WWOX: variants seen among roughly 807,000 people sequenced by gnomAD.
WWOX encodes the protein WW domain-containing oxidoreductase.
Under a neutral mutation model 46.2 loss-of-function variants are expected in WWOX, and 69 were observed. That is an observed-to-expected ratio of 1.49 (90% CI 1.23 to 1.82). The LOEUF (loss-of-function observed/expected upper bound fraction) is 1.82, where lower values mean the gene tolerates loss of function less well. Among genes scored for constraint, WWOX ranks in the 40% most tolerant of loss-of-function variants. WWOX has a pLI of 0.00. For synonymous variants in WWOX, 359 were observed against 202.6 expected (o/e 1.77, Z -6.56); for missense variants, 919 against 542.6 (o/e 1.69, Z -6.89).
Position 78,278,560 on chromosome 16 carries a change from A to C in WWOX, c.517-108300A>C, listed in dbSNP as rs577104572. The C allele has an allele frequency of 1.3e-5, 20 of 1,576,122 alleles. No homozygotes were observed. In the African/African-American group the frequency reaches 1.9e-4, roughly 15 times the overall value. ...CAAGAAACAGTTCTATGTTGTTCTC[A>C]TAACTTAATTTTACACAACTGTCTT... On this transcript the variant is annotated intron_variant, in intron 5 of 8. Coordinates refer to ENST00000566780, the MANE Select transcript of WWOX (RefSeq NM_016373.4).
chr16:78,691,982 G>A (rs1028084992), intron 8 of WWOX, among the ~76,000 whole-genome samples: 2 of 152,238 alleles, frequency 1.3e-5, no homozygotes, highest in South Asian at 2.1e-4. Context: ...AGGAGTTTCC[G>A]CTTTTGCTTC....
chr16:78,820,301 G>C (rs377148806), intron 8 of WWOX, among the ~76,000 whole-genome samples: 1 of 152,218 alleles, frequency 6.6e-6, no homozygotes, highest in East Asian at 1.9e-4. Context: ...GTGACCCAAA[G>C]TTTTGGCTAC....
intron 8 of WWOX, among the ~76,000 whole-genome samples, chr16:78,865,491 C>G (rs74603887): frequency 0.021 from 3,226 of 152,270 alleles, 109 homozygotes; most frequent in African/African-American, 0.069. Context: ...CCCTGAACCT[C>G]AGTTTCCTTT....
chr16:78,897,471 T>C (rs1306169999), intron 8 of WWOX: 1 of 152,084 alleles, frequency 6.6e-6, no homozygotes, highest in Non-Finnish European at 1.5e-5. Flanking sequence ...CATAATGTTT[T>C]TGTGATTCAT....
At chr16:78,745,293 C>G (rs554428980) in intron 8 of WWOX, among the ~76,000 whole-genome samples, 3 of 152,200 alleles carry the variant, frequency 2.0e-5, no homozygotes, top group Admixed American at 6.5e-5. Flanking sequence ...AGCTGGGCAT[C>G]TTCCCCGCCT....
intron 8 of WWOX, among the ~76,000 whole-genome samples, chr16:78,458,798 T>C (rs1476549503): frequency 2.0e-5 from 3 of 152,062 alleles, no homozygotes; most frequent in Non-Finnish European, 4.4e-5. Context: ...GGCGCCACTT[T>C]TTATCTGTGT....
intron 8 of WWOX, among the ~76,000 whole-genome samples, chr16:79,188,323 A>G (rs2051060480): frequency 6.6e-6 from 1 of 152,242 alleles, no homozygotes; most frequent in African/African-American, 2.4e-5. Context: ...GGTTTTAGAC[A>G]CAGCTTTGAG....
At chr16:79,181,673 A>C (rs1036242075) in intron 8 of WWOX, among the ~76,000 whole-genome samples, 1 of 152,134 alleles carries the variant, frequency 6.6e-6, no homozygotes, top group East Asian at 1.9e-4. Flanking sequence ...TTGATAAATA[A>C]TGCTGAGATG....
At chr16:78,357,713 T>G (rs537063399) in intron 5 of WWOX, among the ~76,000 whole-genome samples, 3 of 152,190 alleles carry the variant, frequency 2.0e-5, no homozygotes, top group East Asian at 3.9e-4. Context: ...CACTTCCACA[T>G]GCCAGGCACA....
intron 8 of WWOX, among the ~76,000 whole-genome samples, chr16:78,554,195 TG>T (rs2044235999): frequency 6.6e-6 from 1 of 151,958 alleles, no homozygotes; most frequent in Non-Finnish European, 1.5e-5. Context: ...AGAGCAGGGA[TG>T]GGGAGGACTT....
chr16:78,645,424 C>T (rs960614338), intron 8 of WWOX, among the ~76,000 whole-genome samples: 1 of 152,038 alleles, frequency 6.6e-6, no homozygotes, highest in Non-Finnish European at 1.5e-5. Flanking sequence ...TTTTGTGTTG[C>T]TATAAAGGAA....
chr16:78,717,235 A>G (rs577850113), intron 8 of WWOX, among the ~76,000 whole-genome samples: 2 of 152,308 alleles, frequency 1.3e-5, no homozygotes, highest in East Asian at 3.9e-4. Flanking sequence ...AAATCAATTC[A>G]TTAAGCATTG....
intron 8 of WWOX, among the ~76,000 whole-genome samples, chr16:78,831,084 G>T (rs75689059): frequency 6.6e-6 from 1 of 152,130 alleles, no homozygotes; most frequent in Admixed American, 6.5e-5. Context: ...AAGGGACTGC[G>T]TTCCTAGCCC....
intron 4 of WWOX, among the ~76,000 whole-genome samples, chr16:78,116,389 T>C (rs1285772618): frequency 6.6e-6 from 1 of 152,208 alleles, no homozygotes; most frequent in Non-Finnish European, 1.5e-5. Context: ...TCAATTATTG[T>C]GTTGTACAAG....
At chr16:78,299,987 T>A (rs1166508982) in intron 5 of WWOX, among the ~76,000 whole-genome samples, 1 of 152,178 alleles carries the variant, frequency 6.6e-6, no homozygotes, top group Non-Finnish European at 1.5e-5. Context: ...TTGGCCGCAG[T>A]GTTGGTTCAT....
At chr16:78,674,864 A>G (rs1397300375) in intron 8 of WWOX, among the ~76,000 whole-genome samples, 2 of 151,072 alleles carry the variant, frequency 1.3e-5, no homozygotes, top group African/African-American at 4.9e-5. Context: ...GCAGATCTGG[A>G]TAAAGTCAGT....
intron 8 of WWOX, among the ~76,000 whole-genome samples, chr16:78,722,811 C>A (rs984183200): frequency 6.7e-6 from 1 of 148,950 alleles, no homozygotes. Flanking sequence ...GAGGCCAAGG[C>A]AGGAGGATTG....
intron 6 of WWOX, among the ~76,000 whole-genome samples, chr16:78,394,158 A>C (rs986611270): frequency 6.6e-6 from 1 of 152,198 alleles, no homozygotes; most frequent in African/African-American, 2.4e-5. Context: ...CTCGGTTTTA[A>C]GAATAATGTT....
At chr16:78,994,806 C>A (rs1265036981) in intron 8 of WWOX, among the ~76,000 whole-genome samples, 2 of 152,018 alleles carry the variant, frequency 1.3e-5, no homozygotes, top group East Asian at 3.9e-4. Flanking sequence ...CAGGGTTTCG[C>A]CGTGTCATGC....
Sources: gnomAD v4.1 joint callset for allele counts (sites outside exome capture counted in the v4.1 genomes callset) on GRCh38, gnomAD v4.1.1 for gene constraint, MANE v1.5 for transcripts, NCBI Gene and HGNC (gene_info 2026-07-23, HGNC 2026-07-21) for gene names.